Variants in TASP1 observed in about 807,000 individuals in gnomAD.
The protein encoded by TASP1 is threonine aspartase 1.
A neutral mutation model predicts 56.6 loss-of-function variants in TASP1; 16 were observed. The observed-to-expected ratio is 0.28, with a 90% CI of 0.19 to 0.43. TASP1 has a LOEUF of 0.43. Ranked by LOEUF, TASP1 falls within the 20% of genes least tolerant of loss-of-function variation. The probability of loss-of-function intolerance (pLI) is 1.00; values close to 1 mark genes in which losing one functional copy is unlikely to be tolerated. For synonymous variants in TASP1, 179 were observed against 184.2 expected, an observed-to-expected ratio of 0.97 and a Z score of 0.23; for missense variants, 393 against 511.6, an observed-to-expected ratio of 0.77 and a Z score of 2.24.
chr20:13,228,379 A>G, the TASP1 span, among the ~76,000 whole-genome samples: 1 of 152,198 alleles, frequency 6.6e-6, no homozygotes, highest in African/African-American at 2.4e-5. Context: ...ATAAGAACCT[A>G]TATCTTTAGA....
At chr20:13,184,995 A>G in the TASP1 span, among the ~76,000 whole-genome samples, 1 of 151,878 alleles carries the variant, frequency 6.6e-6, no homozygotes, top group East Asian at 1.9e-4. Flanking sequence ...ATTAGGGAAG[A>G]TTTTTTTTCC....
chr20:13,280,391 AC>A, the TASP1 span, among the ~76,000 whole-genome samples: 56,750 of 131,596 alleles, frequency 0.43, 11,473 homozygotes, highest in Non-Finnish European at 0.45. Flanking sequence ...CTTCAAAGTA[AC>A]CCCCCCCCCC....
At chr20:13,362,488 C>CAA in the TASP1 span, among the ~76,000 whole-genome samples, 10 of 137,486 alleles carry the variant, frequency 7.3e-5, 2 homozygotes, top group African/African-American at 1.2e-4. Flanking sequence ...CACCTTGAGA[C>CAA]CCCCACTCCT....
At chr20:13,369,430 A>G in the TASP1 span, among the ~76,000 whole-genome samples, 25 of 152,236 alleles carry the variant, frequency 1.6e-4, 1 homozygote, top group Non-Finnish European at 3.5e-4. Flanking sequence ...CATACAACAG[A>G]GCAAGACCCT....
intron 4 of TASP1, among the ~76,000 whole-genome samples, chr20:13,621,481 T>C (rs1200864587): frequency 6.6e-6 from 1 of 152,104 alleles, no homozygotes; most frequent in Non-Finnish European, 1.5e-5. Flanking sequence ...GTGTGGGATG[T>C]ACTAAAGTCA....
At chr20:13,295,516 G>C in the TASP1 span, among the ~76,000 whole-genome samples, 1 of 152,156 alleles carries the variant, frequency 6.6e-6, no homozygotes, top group African/African-American at 2.4e-5. Context: ...TACCTGGAGA[G>C]CCTTCCCTTG....
chr20:13,276,778 G>A, the TASP1 span, among the ~76,000 whole-genome samples: 2 of 152,160 alleles, frequency 1.3e-5, 1 homozygote, highest in Non-Finnish European at 2.9e-5. Flanking sequence ...TAGAATGAGA[G>A]CAATAGGAAA....
At chr20:13,164,776 T>C in the TASP1 span, 43 of 1,613,630 alleles carry the variant, frequency 2.7e-5, no homozygotes, top group Non-Finnish European at 3.4e-5. Context: ...CTTGATGAAA[T>C]GGGTGATCTC....
the TASP1 span, among the ~76,000 whole-genome samples, chr20:13,268,347 C>CCT: frequency 5.3e-4 from 35 of 66,660 alleles, no homozygotes; most frequent in Middle Eastern, 9.6e-3. Context: ...CCTTCTTCTT[C>CCT]CTCTCTCTCT....
At chr20:13,344,835 G>A in the TASP1 span, among the ~76,000 whole-genome samples, 1 of 152,178 alleles carries the variant, frequency 6.6e-6, no homozygotes, top group Non-Finnish European at 1.5e-5. Flanking sequence ...CACACTCAGC[G>A]GCTGGCATGA....
chr20:13,485,446 C>T (rs1361341943), intron 10 of TASP1, among the ~76,000 whole-genome samples: 1 of 151,978 alleles, frequency 6.6e-6, no homozygotes, highest in African/African-American at 2.4e-5. Flanking sequence ...TAAACACAGG[C>T]CTTCTAAAAG....
At chr20:13,217,459 A>T in the TASP1 span, among the ~76,000 whole-genome samples, 1 of 152,308 alleles carries the variant, frequency 6.6e-6, no homozygotes, top group South Asian at 2.1e-4. Flanking sequence ...AATAGGCCAC[A>T]AGGTTCTCTG....
intron 4 of TASP1, among the ~76,000 whole-genome samples, chr20:13,608,861 T>C (rs2048251122): frequency 6.6e-6 from 1 of 152,030 alleles, no homozygotes; most frequent in Non-Finnish European, 1.5e-5. Flanking sequence ...AGACAAACAA[T>C]AAGAAATTAA....
the TASP1 span, among the ~76,000 whole-genome samples, chr20:13,271,280 C>T: frequency 6.6e-6 from 1 of 152,002 alleles, no homozygotes; most frequent in Non-Finnish European, 1.5e-5. Flanking sequence ...ACATGACTTA[C>T]AAAACAATAA....
chr20:13,117,652 A>G, the TASP1 span: 2 of 1,614,076 alleles, frequency 1.2e-6, no homozygotes, highest in East Asian at 4.5e-5. Context: ...CTAGACCCTC[A>G]TGAAGTTGAT....
At chr20:13,381,236 G>T in the TASP1 span, among the ~76,000 whole-genome samples, 1 of 152,218 alleles carries the variant, frequency 6.6e-6, no homozygotes, top group African/African-American at 2.4e-5. Context: ...CTGGTCTGTG[G>T]GTTGCGAAGA....
At chr20:13,505,895 A>G (rs1355878992) in intron 10 of TASP1, among the ~76,000 whole-genome samples, 1 of 152,108 alleles carries the variant, frequency 6.6e-6, no homozygotes, top group Non-Finnish European at 1.5e-5. Flanking sequence ...AGAAGGAAGG[A>G]AATAACAAAG....
chr20:13,163,183 CAT>C, the TASP1 span, among the ~76,000 whole-genome samples: 1 of 151,946 alleles, frequency 6.6e-6, no homozygotes, highest in Non-Finnish European at 1.5e-5. Context: ...GCCTGGCCAA[CAT>C]GGTGAAACCC....
chr20:13,372,092 C>T, the TASP1 span, among the ~76,000 whole-genome samples: 1,116 of 152,248 alleles, frequency 7.3e-3, 8 homozygotes, highest in Middle Eastern at 0.017. Flanking sequence ...TTTTCAGTCT[C>T]GTCTGATACC....
Sources: gnomAD v4.1 joint callset for allele counts (sites outside exome capture counted in the v4.1 genomes callset) on GRCh38, gnomAD v4.1.1 for gene constraint, MANE v1.5 for transcripts, NCBI Gene and HGNC (gene_info 2026-07-23, HGNC 2026-07-21) for gene names.